PTCHD4: variants seen among roughly 807,000 people sequenced by gnomAD.
PTCHD4 encodes patched domain-containing protein 4.
PTCHD4 carries 33 observed loss-of-function variants against 58.1 expected under a neutral mutation model. The ratio of observed to expected loss-of-function variants is 0.57; its 90% CI spans 0.43 to 0.76. The LOEUF is 0.76. Ranked by LOEUF, PTCHD4 falls within the 30% of genes least tolerant of loss-of-function variation. The probability of loss-of-function intolerance (pLI) is 0.00; values close to 1 mark genes in which losing one functional copy is unlikely to be tolerated. For missense variants in PTCHD4, 1,058 were observed against 1,027.1 expected (o/e 1.03, Z -0.41); for synonymous variants, 478 against 409.6 (o/e 1.17, Z -2.02).
At chr6:48,001,436 T>A (rs1169319035) in intron 4 of PTCHD4, among the ~76,000 whole-genome samples, 1 of 151,868 alleles carries the variant, frequency 6.6e-6, no homozygotes, top group Non-Finnish European at 1.5e-5. Flanking sequence ...ACAGAACAGA[T>A]CCCTCAGAAA....
chr6:47,896,293 A>G (rs531926450), intron 4 of PTCHD4, among the ~76,000 whole-genome samples: 5 of 152,340 alleles, frequency 3.3e-5, no homozygotes, highest in South Asian at 2.1e-4. Flanking sequence ...GTCTTCACCA[A>G]CGGTGGAGGT....
Position 47,875,855 on chromosome 6 carries a change from A to G in PTCHD4, c.*2448T>C, listed in dbSNP as rs1225509909. Among the ~76,000 whole-genome samples the G allele has an allele frequency of 6.6e-6, 1 of 151,824 alleles. No individual in the cohort carries two copies. The highest frequency in any genetic ancestry group is 1.9e-4 in the East Asian group (1 of 5,148). Reference sequence around the variant, plus strand: ...CTTCTTTGCATGCAGAATGGTCTATAGGAACCAAGAAAAAACCAACCCCAA... The same window carrying G: ...CTTCTTTGCATGCAGAATGGTCTATGGGAACCAAGAAAAAACCAACCCCAA... On this transcript the variant is annotated 3_prime_UTR_variant, in exon 5 of 5. Transcript: ENST00000339488.
chr6:48,003,351 C>T (rs1768810960), intron 4 of PTCHD4, among the ~76,000 whole-genome samples: 1 of 152,150 alleles, frequency 6.6e-6, no homozygotes, highest in African/African-American at 2.4e-5. Flanking sequence ...CTCATGACTT[C>T]ACTACTGCAG....
Position 47,871,692 on chromosome 6 carries a change from T to C in PTCHD4, c.*6611A>G, listed in dbSNP as rs955359823. Among the ~76,000 whole-genome samples, 1 of 151,750 alleles carries C rather than the reference T, an allele frequency of 6.6e-6. No individual in the cohort carries two copies. The highest frequency in any genetic ancestry group is 2.4e-5 in the African/African-American group (1 of 41,404). ...ATATTGCTTTGTGGCTTTAATATAT[T>C]GCCATTTAATCAAAGATTGCATGCC... On this transcript the variant is annotated 3_prime_UTR_variant, in exon 5 of 5. Coordinates refer to ENST00000339488, the MANE Select transcript of PTCHD4 (RefSeq NM_001384253.1).
chr6:48,103,454 C>T (rs143684187), intron 1 of PTCHD4, among the ~76,000 whole-genome samples: 23,496 of 152,084 alleles, frequency 0.15, 1,868 homozygotes, highest in African/African-American at 0.2. Context: ...TCCATCTGTA[C>T]GTCACCATCA....
chr6:48,073,947 G>C (rs900848955), intron 1 of PTCHD4, among the ~76,000 whole-genome samples: 1 of 152,120 alleles, frequency 6.6e-6, no homozygotes, highest in Non-Finnish European at 1.5e-5. Context: ...TCTTTGCCCT[G>C]TTCACCTTCA....
intron 3 of PTCHD4, among the ~76,000 whole-genome samples, chr6:48,048,287 T>C (rs1480802832): frequency 3.3e-5 from 5 of 151,974 alleles, no homozygotes; most frequent in Non-Finnish European, 4.4e-5. Context: ...CATCAAGCAG[T>C]CATTCAAATG....
intron 4 of PTCHD4, among the ~76,000 whole-genome samples, chr6:47,914,843 C>T (rs898506873): frequency 1.3e-5 from 2 of 151,512 alleles, no homozygotes; most frequent in African/African-American, 4.9e-5. Context: ...CTGATTAATA[C>T]AGTCAAGTAA....
intron 1 of PTCHD4, among the ~76,000 whole-genome samples, chr6:48,098,484 G>T (rs1283828315): frequency 6.6e-6 from 1 of 151,926 alleles, no homozygotes; most frequent in Non-Finnish European, 1.5e-5. Flanking sequence ...GATTACAGGT[G>T]CTCACCACCA....
At chr6:47,919,812 C>A (rs1485774006) in intron 4 of PTCHD4, among the ~76,000 whole-genome samples, 1 of 152,046 alleles carries the variant, frequency 6.6e-6, no homozygotes, top group East Asian at 1.9e-4. Flanking sequence ...TCGGTGTTCA[C>A]TAAAACATGT....
intron 3 of PTCHD4, among the ~76,000 whole-genome samples, chr6:48,017,280 A>T (rs1762899264): frequency 6.6e-6 from 1 of 152,188 alleles, no homozygotes; most frequent in Non-Finnish European, 1.5e-5. Flanking sequence ...AGAAATACCT[A>T]GTTTGTACAA....
At chr6:47,891,546 T>C (rs1282020390) in intron 4 of PTCHD4, among the ~76,000 whole-genome samples, 1 of 152,232 alleles carries the variant, frequency 6.6e-6, no homozygotes. Context: ...CAATCACGGC[T>C]TACCCTTACT....
rs1763535842 is a variant in PTCHD4, at chr6:47,865,385, T to C, written c.*12918A>G. Among the ~76,000 whole-genome samples the C allele has an allele frequency of 6.6e-6, 1 of 151,898 alleles. No homozygotes were observed. Among genetic ancestry groups the C allele is most frequent in the Non-Finnish European group, 1.5e-5 (1 of 67,892 alleles). Reference sequence around the variant, plus strand: ...GATAAAGCAATTTCCTGAAAATTTGTGGTAAAGCTTTACAAATGTTATAAA... The same window carrying C: ...GATAAAGCAATTTCCTGAAAATTTGCGGTAAAGCTTTACAAATGTTATAAA... On this transcript the variant is annotated 3_prime_UTR_variant, in exon 5 of 5. Coordinates refer to ENST00000339488, the MANE Select transcript of PTCHD4 (RefSeq NM_001384253.1).
At chr6:47,888,366 G>C (rs1000671166) in intron 4 of PTCHD4, among the ~76,000 whole-genome samples, 11 of 151,800 alleles carry the variant, frequency 7.2e-5, no homozygotes, top group Non-Finnish European at 1.2e-4. Flanking sequence ...CCAAAAAAAA[G>C]AGTAGATGGG....
chr6:48,041,775 T>C (rs566968758), intron 3 of PTCHD4, among the ~76,000 whole-genome samples: 1 of 152,148 alleles, frequency 6.6e-6, no homozygotes, highest in South Asian at 2.1e-4. Context: ...GACCTGAATT[T>C]GAAGTTTAAC....
intron 3 of PTCHD4, among the ~76,000 whole-genome samples, chr6:48,051,624 G>T (rs1015328988): frequency 5.3e-5 from 8 of 151,716 alleles, no homozygotes; most frequent in Non-Finnish European, 8.8e-5. Flanking sequence ...TTCCTGCTTT[G>T]TATTCATTTT....
At chr6:47,952,148 A>G (rs1328949244) in intron 4 of PTCHD4, among the ~76,000 whole-genome samples, 1 of 152,140 alleles carries the variant, frequency 6.6e-6, no homozygotes, top group Non-Finnish European at 1.5e-5. Flanking sequence ...ACGAAAATGA[A>G]TGGTGGTAGT....
intron 3 of PTCHD4, among the ~76,000 whole-genome samples, chr6:48,020,059 A>G (rs1280637334): frequency 2.0e-5 from 3 of 152,136 alleles, no homozygotes; most frequent in Non-Finnish European, 4.4e-5. Flanking sequence ...GGGTAAGAGA[A>G]GAGTGATTTC....
At chr6:47,912,689 A>G (rs1039102653) in intron 4 of PTCHD4, among the ~76,000 whole-genome samples, 1 of 152,166 alleles carries the variant, frequency 6.6e-6, no homozygotes, top group Non-Finnish European at 1.5e-5. Flanking sequence ...AACTGTAACA[A>G]TAGTAGGGAG....
Sources: allele counts gnomAD v4.1 joint callset (sites outside exome capture counted in the v4.1 genomes callset), GRCh38; gene constraint gnomAD v4.1.1; transcripts MANE v1.5; gene names NCBI Gene and HGNC (gene_info 2026-07-23, HGNC 2026-07-21).